Variants in RAB11FIP4 observed in about 807,000 individuals in gnomAD.
RAB11FIP4 encodes the protein RAB11 family interacting protein 4, also known as rab11 family-interacting protein 4.
A neutral mutation model predicts 74.3 loss-of-function variants in RAB11FIP4; 23 were observed. The ratio of observed to expected loss-of-function variants is 0.31; its 90% CI spans 0.22 to 0.44. RAB11FIP4 has a LOEUF of 0.44. RAB11FIP4 is among the 20% of genes least tolerant of loss of function. RAB11FIP4 has a pLI of 1.00. For synonymous variants in RAB11FIP4, 360 were observed against 359.9 expected (o/e 1.00, Z 0.00); for missense variants, 630 against 863.9 (o/e 0.73, Z 3.39).
chr17:31,419,789 AT>A (rs1287928439), intron 1 of RAB11FIP4, among the ~76,000 whole-genome samples: 1 of 151,936 alleles, frequency 6.6e-6, no homozygotes, highest in Non-Finnish European at 1.5e-5. Flanking sequence ...TGATCTCATG[AT>A]CCGCCCACCT....
Position 31,533,862 on chromosome 17 carries a change from G to A in RAB11FIP4, c.*2130G>A, listed in dbSNP as rs1420258786. Reference sequence around the variant, plus strand: ...TGAAAGGCCCCCGGGACCTGCTGCAGTGCCAGAGGGGCCTCTGGAGCAGGC... The same window carrying A: ...TGAAAGGCCCCCGGGACCTGCTGCAATGCCAGAGGGGCCTCTGGAGCAGGC... On this transcript the variant is annotated 3_prime_UTR_variant, in exon 15 of 15. Coordinates refer to ENST00000621161, the MANE Select transcript of RAB11FIP4 (RefSeq NM_032932.6). 5 of 152,154 alleles carry A rather than the reference G, an allele frequency of 3.3e-5. No homozygotes were observed. The highest frequency in any genetic ancestry group is 1.2e-4 in the African/African-American group (5 of 41,384). 9.4% of individuals were successfully genotyped at this position (152,154 alleles called of 1,614,324 possible).
In RAB11FIP4 at chr17:31,462,265, C is replaced by CA. The variant is rs1004209564; in HGVS notation, c.336+28151dup. Among the ~76,000 whole-genome samples the CA allele has an allele frequency of 4.4e-5, 6 of 136,838 alleles. No homozygotes were observed. The East Asian group carries it at 7.9e-4, about 18-fold the overall frequency. The allele number at this position is 136,838 out of a possible 152,430, so 89.8% of individuals were successfully genotyped here. On this transcript the variant is annotated intron_variant, in intron 3 of 14. Transcript: ENST00000621161. ...TGGGCAACAGAGCAAGACTCCATCT[C>CA]AAAAAAAACAAAAAACAAAAAAAAA...
In RAB11FIP4 at chr17:31,531,639, G is replaced by A. The variant is rs1027390130; in HGVS notation, c.1821G>A (p.Gln607=). The change falls in exon 15 of 15, where the codon CAG becomes CAA. Residue 607 remains glutamine (Q), a synonymous_variant. Transcript: ENST00000621161. ...AGCTAATGGAAGCCCTGAAGGAGCA[G>A]GAGGAGATCAACTTCCGGCTGAGGC... is the stretch of plus-strand genomic sequence containing the variant. ...RDELMEALKE[Q]EEINFRLRQY... The A allele has an allele frequency of 6.2e-7, 1 of 1,613,738 alleles. No homozygotes were observed. The highest frequency in any genetic ancestry group is 8.5e-7 in the Non-Finnish European group (1 of 1,179,740).
rs150914896 is a variant in RAB11FIP4 at position 31,498,250 on chromosome 17, G to T, written c.337-19401G>T. Among the ~76,000 whole-genome samples, 544 of 152,314 alleles carry T rather than the reference G, an allele frequency of 3.6e-3. 1 individual carries two copies. The highest frequency in any genetic ancestry group is 6.3e-3 in the Non-Finnish European group (431 of 68,008). On this transcript the variant is annotated intron_variant, in intron 3 of 14. Transcript: ENST00000621161. ...TGCGAGAAAGCCTGCCCTGGCCGGA[G>T]GCCCTAAGCTGAGCTCTGGCCAGCT...
intron 1 of RAB11FIP4, chr17:31,392,675 G>C (rs1225822156): frequency 6.6e-6 from 1 of 152,342 alleles, no homozygotes; most frequent in Non-Finnish European, 1.5e-5. Context: ...GCATCTATTT[G>C]GGGAAAGCAG....
intron 1 of RAB11FIP4, among the ~76,000 whole-genome samples, chr17:31,428,291 C>A (rs139687305): frequency 6.6e-6 from 1 of 152,234 alleles, no homozygotes; most frequent in Non-Finnish European, 1.5e-5. Flanking sequence ...GCAAGAAAAA[C>A]GTGGTCCCTA....
chr17:31,502,215 C>A (rs991897260), intron 3 of RAB11FIP4, among the ~76,000 whole-genome samples: 1 of 145,290 alleles, frequency 6.9e-6, no homozygotes, highest in African/African-American at 2.6e-5. Context: ...CAGAGCGATA[C>A]CTTGTCTCAA....
intron 1 of RAB11FIP4, among the ~76,000 whole-genome samples, chr17:31,400,477 C>T (rs538963211): frequency 1.8e-4 from 28 of 152,246 alleles, no homozygotes; most frequent in Admixed American, 1.2e-3. Context: ...GGGTTCTGAG[C>T]GGAGGAGATA....
At chr17:31,453,060 T>C (rs931508347) in intron 3 of RAB11FIP4, among the ~76,000 whole-genome samples, 21 of 152,000 alleles carry the variant, frequency 1.4e-4, no homozygotes, top group Non-Finnish European at 3.1e-4. Context: ...TCATTTAAAC[T>C]TGGGGAGAGG....
chr17:31,399,719 T>C (rs975353419), intron 1 of RAB11FIP4, among the ~76,000 whole-genome samples: 12 of 145,924 alleles, frequency 8.2e-5, no homozygotes, highest in African/African-American at 3.1e-4. Context: ...TCTCAAAAAA[T>C]AAAAATAAAT....
chr17:31,397,245 AGACCTAGGC>A (rs1662897999), intron 1 of RAB11FIP4, among the ~76,000 whole-genome samples: 1 of 152,216 alleles, frequency 6.6e-6, no homozygotes, highest in South Asian at 2.1e-4. Context: ...GTAGGCAGTG[AGACCTAGGC>A]AGCCAAGAGT....
At chr17:31,515,083 T>G (rs1301264274) in intron 3 of RAB11FIP4, among the ~76,000 whole-genome samples, 1 of 152,056 alleles carries the variant, frequency 6.6e-6, no homozygotes, top group Non-Finnish European at 1.5e-5. Context: ...ATCAGTAAAA[T>G]GGGGATAATG....
chr17:31,509,167 AG>A (rs1481027536), intron 3 of RAB11FIP4: 2 of 152,604 alleles, frequency 1.3e-5, no homozygotes, highest in Non-Finnish European at 2.9e-5. Context: ...CTTCAAGCCC[AG>A]GAGTTTGAAA....
chr17:31,425,441 C>T (rs2071238999), intron 1 of RAB11FIP4, among the ~76,000 whole-genome samples: 1 of 152,150 alleles, frequency 6.6e-6, no homozygotes, highest in African/African-American at 2.4e-5. Flanking sequence ...GGCCTTCAGA[C>T]CTTGAAATTA....
intron 14 of RAB11FIP4, 66 bp downstream of exon 14, chr17:31,530,535 C>G (rs1328514362): frequency 6.3e-7 from 1 of 1,578,746 alleles, no homozygotes; most frequent in Admixed American, 1.7e-5. Flanking sequence ...TCCCGGCCCC[C>G]ACCTGCCCAG....
At chr17:31,517,216 G>A (rs2072573376) in intron 3 of RAB11FIP4, among the ~76,000 whole-genome samples, 1 of 115,642 alleles carries the variant, frequency 8.6e-6, no homozygotes, top group African/African-American at 3.1e-5. Flanking sequence ...TGGGGGGGGC[G>A]GGGGGGAAGG....
chr17:31,438,915 C>T (rs964937125), intron 3 of RAB11FIP4, among the ~76,000 whole-genome samples: 2 of 152,044 alleles, frequency 1.3e-5, no homozygotes, highest in African/African-American at 4.8e-5. Context: ...AGTTTGAGAC[C>T]AGCCTGGACA....
At chr17:31,488,279 G>T in intron 3 of RAB11FIP4, 1 of 1,176,456 alleles carries the variant, frequency 8.5e-7, no homozygotes, top group Non-Finnish European at 1.0e-6. Context: ...CCAGGTAAGC[G>T]GCGGCCCCGG....
intron 1 of RAB11FIP4, among the ~76,000 whole-genome samples, chr17:31,414,592 G>A (rs536027734): frequency 2.0e-5 from 3 of 152,302 alleles, no homozygotes; most frequent in Non-Finnish European, 2.9e-5. Context: ...AGGTGTTGGC[G>A]GTCCCATAAA....
Sources: gnomAD v4.1 joint callset for allele counts (sites outside exome capture counted in the v4.1 genomes callset) on GRCh38, gnomAD v4.1.1 for gene constraint, MANE v1.5 for transcripts, NCBI Gene and HGNC (gene_info 2026-07-23, HGNC 2026-07-21) for gene names.